The following CCP110 variants were observed in gnomAD, a reference collection of about 807,000 sequenced individuals.
CCP110 encodes the protein centriolar coiled-coil protein 110.
CCP110 carries 43 observed loss-of-function variants against 105.5 expected under a neutral mutation model. The ratio of observed to expected loss-of-function variants is 0.41; its 90% confidence interval spans 0.32 to 0.53. The LOEUF (loss-of-function observed/expected upper bound fraction) is 0.53, where lower values mean the gene tolerates loss of function less well. Among genes scored for constraint, CCP110 ranks in the 20% least tolerant of loss-of-function variants. CCP110 has a pLI of 0.32. For synonymous variants in CCP110, 353 were observed against 392.1 expected, an observed-to-expected ratio of 0.90 and a Z score of 1.18; for missense variants, 1,016 against 1,189.1, an observed-to-expected ratio of 0.85 and a Z score of 2.14.
At chr16:19,541,110 G>A (rs1970260501) in intron 5 of CCP110, among the ~76,000 whole-genome samples, 1 of 151,888 alleles carries the variant, frequency 6.6e-6, no homozygotes, top group Non-Finnish European at 1.5e-5. Context: ...ACTCATGCTG[G>A]GCGTGGTATC....
exon 15 of CCP110, chr16:19,551,306 C>G: frequency 1.4e-6 from 2 of 1,379,768 alleles, no homozygotes; most frequent in Non-Finnish European, 2.1e-6. Context: ...TGTTATTTTC[C>G]CTGCCCAAGA....
chr16:19,525,211 C>T (rs1169557530), intron 1 of CCP110: 2 of 152,144 alleles, frequency 1.3e-5, no homozygotes, highest in Non-Finnish European at 2.9e-5. Flanking sequence ...AGTGACATGT[C>T]TGGCAGAGCA....
intron 12 of CCP110, 179 bp from the exon 13 acceptor site, chr16:19,547,776 A>C: frequency 1.8e-6 from 1 of 558,194 alleles, no homozygotes; most frequent in East Asian, 3.0e-5. Context: ...TAGTGAGCAA[A>C]ATACAAGTAT....
intron 3 of CCP110, among the ~76,000 whole-genome samples, chr16:19,533,204 G>C (rs953095157): frequency 4.6e-5 from 7 of 151,374 alleles, no homozygotes; most frequent in African/African-American, 1.5e-4. Flanking sequence ...ATAATCTTAG[G>C]AGTTTGTGGT....
chr16:19,546,809 C>A, intron 12 of CCP110: 1 of 136,802 alleles, frequency 7.3e-6, no homozygotes, highest in Non-Finnish European at 1.5e-5. Flanking sequence ...GAGTGAAACT[C>A]TATCTCAAAA....
intron 8 of CCP110, 67 bp downstream of exon 8, chr16:19,543,061 A>G (rs894599952): frequency 1.1e-6 from 1 of 886,826 alleles, no homozygotes; most frequent in Non-Finnish European, 1.9e-6. Flanking sequence ...GTGACAGCTG[A>G]GCTAACAGAT....
At chr16:19,539,164 T>A (rs1970189935) in intron 4 of CCP110, among the ~76,000 whole-genome samples, 1 of 151,986 alleles carries the variant, frequency 6.6e-6, no homozygotes, top group African/African-American at 2.4e-5. Context: ...AATTATTATT[T>A]CAGTTTTTTC....
intron 3 of CCP110, among the ~76,000 whole-genome samples, chr16:19,533,930 T>G (rs776288676): frequency 1.3e-5 from 2 of 152,206 alleles, no homozygotes; most frequent in Non-Finnish European, 2.9e-5. Flanking sequence ...ATTTTCCATT[T>G]CAGTTACTCG....
intron 1 of CCP110, chr16:19,525,856 A>T (rs1455656249): frequency 2.0e-5 from 3 of 152,628 alleles, no homozygotes; most frequent in Non-Finnish European, 4.4e-5. Context: ...ATAATTTCAG[A>T]TAGTGGTAAG....
chr16:19,537,123 C>A, exon 4 of CCP110: 1 of 1,614,174 alleles, frequency 6.2e-7, no homozygotes, highest in Non-Finnish European at 8.5e-7. Context: ...GGTCAGTTAA[C>A]ATCCGATGAG....
chr16:19,539,740 G>T (rs186356035), intron 4 of CCP110, among the ~76,000 whole-genome samples: 144 of 152,060 alleles, frequency 9.5e-4, no homozygotes, highest in African/African-American at 3.4e-3. Context: ...AGATAGCATA[G>T]CAAGGCAAGA....
At position 19,548,215 on chromosome 16, in the gene CCP110, G is replaced by A; in HGVS notation, c.2900+201G>A. 1.7e-6 allele frequency: 1 copy of A among 594,706 alleles called. No homozygotes were observed. The highest frequency in any genetic ancestry group is 3.0e-6 in the Non-Finnish European group (1 of 335,222). The allele number at this position is 594,706 out of a possible 1,614,324, so 36.8% of individuals were successfully genotyped here. On this transcript the variant is annotated intron_variant, in intron 13 of 14. Transcript: ENST00000381396. The surrounding 1 kb of genome is among the most constrained non-coding windows in gnomAD (Gnocchi z 4.1). Reference sequence around the variant, plus strand: ...TGTACTGTTGTGTATTCTAATTACTGTCTTAAGTTGGGATGTTTTTACTTT... The same window carrying A: ...TGTACTGTTGTGTATTCTAATTACTATCTTAAGTTGGGATGTTTTTACTTT...
At chr16:19,552,042 CA>C (rs1442708632) in exon 15 of CCP110, 1 of 152,146 alleles carries the variant, frequency 6.6e-6, no homozygotes, top group Non-Finnish European at 1.5e-5. Context: ...ATGTTGCATG[CA>C]GTTATATTTT....
exon 7 of CCP110, chr16:19,542,749 A>G (rs770997702): frequency 2.8e-5 from 45 of 1,613,192 alleles, no homozygotes; most frequent in Non-Finnish European, 3.8e-5. Context: ...AGCCAAAACT[A>G]GATGGTCTCA....
At chr16:19,532,858 T>C (rs1969923014) in intron 3 of CCP110, among the ~76,000 whole-genome samples, 1 of 152,214 alleles carries the variant, frequency 6.6e-6, no homozygotes, top group South Asian at 2.1e-4. Context: ...AATTGGGTAT[T>C]ATTGTTTACC....
chr16:19,544,677 C>T, intron 8 of CCP110, 120 bp from the exon 9 acceptor site: 1 of 632,964 alleles, frequency 1.6e-6, no homozygotes, highest in Non-Finnish European at 2.8e-6. Flanking sequence ...GGAACCAGTC[C>T]CCCACAGATA....
At chr16:19,536,580 G>T in exon 4 of CCP110, 1 of 1,614,074 alleles carries the variant, frequency 6.2e-7, no homozygotes, top group Non-Finnish European at 8.5e-7. Flanking sequence ...CTTCTCCAAG[G>T]TGCTTCCACT....
chr16:19,545,780 T>C, intron 10 of CCP110, 37 bp from the exon 11 acceptor site: 2 of 1,116,776 alleles, frequency 1.8e-6, no homozygotes, highest in Non-Finnish European at 1.4e-6. Flanking sequence ...TATTAATTGG[T>C]TCCAGTAGAG....
chr16:19,546,274 A>C, intron 11 of CCP110, 138 bp from the exon 12 acceptor site: 2 of 561,414 alleles, frequency 3.6e-6, no homozygotes, highest in Non-Finnish European at 6.2e-6. Context: ...TGCAGTCTTT[A>C]ATATGCTTAG....
Sources: gnomAD v4.1 joint callset for allele counts (sites outside exome capture counted in the v4.1 genomes callset) on GRCh38, gnomAD v4.1.1 for gene constraint, Gnocchi (gnomAD v3.1) non-coding constraint, MANE v1.5 for transcripts, NCBI Gene and HGNC (gene_info 2026-07-23, HGNC 2026-07-21) for gene names.